Variants in CWF19L2 observed in about 807,000 individuals in gnomAD.
CWF19L2 encodes CWF19-like protein 2.
Under a neutral mutation model 111.7 loss-of-function variants are expected in CWF19L2, and 98 were observed. The observed-to-expected ratio is 0.88, with a 90% CI of 0.75 to 1.04. The LOEUF (loss-of-function observed/expected upper bound fraction) is 1.04. Among genes scored for constraint, CWF19L2 ranks in the 50% least tolerant of loss-of-function variants. The pLI is 0.00. For missense variants in CWF19L2, 1,101 were observed against 1,051.4 expected (o/e 1.05, Z -0.65); for synonymous variants, 351 against 342.9 (o/e 1.02, Z -0.26).
intron 12 of CWF19L2, among the ~76,000 whole-genome samples, chr11:107,358,935 T>C (rs1343250194): frequency 2.0e-5 from 3 of 152,186 alleles, no homozygotes; most frequent in Non-Finnish European, 2.9e-5. Flanking sequence ...AGAGAATTGA[T>C]GACAAGGAGG....
At chr11:107,370,974 A>G (rs1053303345) in intron 12 of CWF19L2, among the ~76,000 whole-genome samples, 1 of 135,858 alleles carries the variant, frequency 7.4e-6, no homozygotes, top group Non-Finnish European at 1.6e-5. Context: ...CTTTTTCGAG[A>G]AAACTGCTAT....
chr11:107,407,376 C>A (rs193145824), intron 10 of CWF19L2, among the ~76,000 whole-genome samples: 24 of 149,282 alleles, frequency 1.6e-4, no homozygotes, highest in Non-Finnish European at 3.3e-4. Flanking sequence ...TGACATCGTC[C>A]CTCCATCTAA....
intron 3 of CWF19L2, among the ~76,000 whole-genome samples, chr11:107,445,083 A>G (rs1000451158): frequency 6.6e-6 from 1 of 152,218 alleles, no homozygotes; most frequent in African/African-American, 2.4e-5. Context: ...AAAATTTTTT[A>G]AAAACTAGAA....
chr11:107,433,919 T>TATATATA (rs1256042363), intron 6 of CWF19L2, among the ~76,000 whole-genome samples, 170 bp from the exon 7 acceptor site: 1 of 140,854 alleles, frequency 7.1e-6, no homozygotes, highest in East Asian at 2.0e-4. Context: ...TATATATATA[T>TATATATA]ATTTCAGTGC....
At chr11:107,412,951 C>T (rs191169152) in intron 10 of CWF19L2, among the ~76,000 whole-genome samples, 6 of 152,176 alleles carry the variant, frequency 3.9e-5, no homozygotes, top group African/African-American at 1.2e-4. Context: ...TAAAAAGATC[C>T]GAGGTTGCCA....
rs1861546487 is a variant in CWF19L2, at chr11:107,436,745, C to T, written c.664+2345G>A. 2.0e-5 allele frequency among the ~76,000 whole-genome samples: 3 copies of T among 152,242 alleles called. No individual in the cohort carries two copies. In the South Asian group the frequency reaches 6.2e-4, roughly 32 times the overall value. On this transcript the variant is annotated intron_variant, in intron 6 of 17. Transcript: ENST00000282251. ...ACTACATGGTAATAAAAATAGTCTT[C>T]CACTAAAGAATCTAGAGTAACTAAT...
chr11:107,355,530 T>G (rs893401632), intron 12 of CWF19L2, among the ~76,000 whole-genome samples: 1 of 152,110 alleles, frequency 6.6e-6, no homozygotes, highest in South Asian at 2.1e-4. Flanking sequence ...TTTAAATGAT[T>G]TGAAGATGGA....
intron 16 of CWF19L2, among the ~76,000 whole-genome samples, chr11:107,330,647 CACACACACA>C (rs1196897457): frequency 0.057 from 1,409 of 24,712 alleles, 17 homozygotes; most frequent in Middle Eastern, 0.17. Context: ...CCCCCCACCA[CACACACACA>C]CACACACACA....
intron 10 of CWF19L2, among the ~76,000 whole-genome samples, chr11:107,406,056 G>A (rs896403894): frequency 1.3e-5 from 2 of 152,072 alleles, no homozygotes; most frequent in Non-Finnish European, 2.9e-5. Flanking sequence ...AAAAGCTCAC[G>A]ACATTGTTAT....
At chr11:107,446,141 T>C (rs531422271) in intron 3 of CWF19L2, among the ~76,000 whole-genome samples, 9 of 152,230 alleles carry the variant, frequency 5.9e-5, no homozygotes, top group Non-Finnish European at 1.2e-4. Context: ...ATGGCTATTC[T>C]GAGATTTTCT....
At chr11:107,423,398 C>A (rs1453087258) in intron 8 of CWF19L2, among the ~76,000 whole-genome samples, 1 of 151,904 alleles carries the variant, frequency 6.6e-6, no homozygotes, top group Non-Finnish European at 1.5e-5. Context: ...AATTAAATAA[C>A]CACAGTTCAT....
At chr11:107,398,494 C>T (rs1160216970) in intron 10 of CWF19L2, among the ~76,000 whole-genome samples, 1 of 151,974 alleles carries the variant, frequency 6.6e-6, no homozygotes, top group Non-Finnish European at 1.5e-5. Context: ...AGACAAAAAA[C>T]TAAGAAAATA....
intron 7 of CWF19L2, among the ~76,000 whole-genome samples, chr11:107,432,477 G>T (rs1861478206): frequency 6.6e-6 from 1 of 152,136 alleles, no homozygotes; most frequent in African/African-American, 2.4e-5. Context: ...CAGCTACTTG[G>T]GAGGCTGAGG....
intron 10 of CWF19L2, among the ~76,000 whole-genome samples, chr11:107,402,823 A>AC (rs1222102514): frequency 2.1e-5 from 3 of 146,160 alleles, no homozygotes; most frequent in Non-Finnish European, 4.5e-5. Flanking sequence ...AAATCAGAGA[A>AC]CCAACCCAAA....
intron 12 of CWF19L2, among the ~76,000 whole-genome samples, chr11:107,362,963 C>A (rs1462494293): frequency 6.6e-6 from 1 of 151,870 alleles, no homozygotes; most frequent in Non-Finnish European, 1.5e-5. Context: ...ACAACCAATA[C>A]AGAGAAGTGC....
At chr11:107,413,141 G>A (rs1377066824) in intron 10 of CWF19L2, among the ~76,000 whole-genome samples, 1 of 152,148 alleles carries the variant, frequency 6.6e-6, no homozygotes, top group African/African-American at 2.4e-5. Flanking sequence ...GATACAGTGT[G>A]TCAACGCAGG....
At chr11:107,444,563 G>T (rs1350553258) in intron 3 of CWF19L2, among the ~76,000 whole-genome samples, 1 of 152,020 alleles carries the variant, frequency 6.6e-6, no homozygotes, top group Non-Finnish European at 1.5e-5. Context: ...CATTCCCTTT[G>T]GGCCATTAAA....
At chr11:107,354,900 G>T (rs1488622284) in intron 12 of CWF19L2, among the ~76,000 whole-genome samples, 2 of 152,116 alleles carry the variant, frequency 1.3e-5, no homozygotes, top group Non-Finnish European at 2.9e-5. Context: ...ACTATGGTAA[G>T]AATTAGCTGT....
chr11:107,346,880 T>C (rs1348738926), intron 14 of CWF19L2, among the ~76,000 whole-genome samples: 7 of 152,178 alleles, frequency 4.6e-5, no homozygotes, highest in African/African-American at 1.7e-4. Context: ...AAGAGTCTTT[T>C]TGAAGGTCTG....
Sources: allele counts gnomAD v4.1 joint callset (sites outside exome capture counted in the v4.1 genomes callset), GRCh38; gene constraint gnomAD v4.1.1; transcripts MANE v1.5; gene names NCBI Gene and HGNC (gene_info 2026-07-23, HGNC 2026-07-21).